The following PAK3 variants were observed in gnomAD, a reference collection of about 807,000 sequenced individuals.
The protein encoded by PAK3 is p21 (RAC1) activated kinase 3.
PAK3 carries 4 observed loss-of-function variants against 41.0 expected under a neutral mutation model. That is an observed-to-expected ratio of 0.10 (90% CI 0.05 to 0.22). The LOEUF (loss-of-function observed/expected upper bound fraction) is 0.22. Among genes scored for constraint, PAK3 ranks in the 10% least tolerant of loss-of-function variants. The pLI is 1.00. For missense variants in PAK3, 205 were observed against 409.9 expected, an observed-to-expected ratio of 0.50 and a Z score of 4.32; for synonymous variants, 146 against 139.6, an observed-to-expected ratio of 1.05 and a Z score of -0.32.
At chrX:111,095,885 T>G (rs1219923887), upstream of PAK3, among the ~76,000 whole-genome samples, 9 of 111,399 alleles carry the variant, frequency 8.1e-5, no homozygotes, top group Non-Finnish European at 1.7e-4. Context: ...GGAAGATACA[T>G]GAACTCTCCC....
At chrX:111,152,002 G>A (rs111901415) in intron 7 of PAK3, among the ~76,000 whole-genome samples, 3 of 112,219 alleles carry the variant, frequency 2.7e-5, no homozygotes, top group African/African-American at 9.7e-5. Flanking sequence ...TGAAACTCAT[G>A]AATTGGTTAT....
intron 1 of PAK3, among the ~76,000 whole-genome samples, chrX:111,086,235 A>G (rs949005473): frequency 2.7e-5 from 3 of 111,591 alleles, no homozygotes; most frequent in African/African-American, 9.8e-5. Context: ...TCTGTAAGAG[A>G]AAGTAAGGAA....
intron 7 of PAK3, among the ~76,000 whole-genome samples, chrX:111,148,564 A>G (rs987346179): frequency 1.8e-5 from 2 of 111,602 alleles, no homozygotes; most frequent in African/African-American, 6.5e-5. Context: ...ACGGTTCCAC[A>G]TGGCTGGTGA....
At position 111,192,500 on chromosome X, in the gene PAK3, A is replaced by G; in HGVS notation, c.880-6A>G. 1 of 968,070 alleles carries G rather than the reference A, an allele frequency of 1.0e-6. No homozygotes were observed. Among genetic ancestry groups the G allele is most frequent in the Non-Finnish European group, 1.5e-6 (1 of 673,308 alleles). The allele number at this position is 968,070 out of a possible 1,213,427, so 79.8% of individuals were successfully genotyped here. On this transcript the variant is annotated splice_region_variant and splice_polypyrimidine_tract_variant and intron_variant, in intron 12 of 17. Coordinates refer to ENST00000372007, the MANE Select transcript of PAK3 (RefSeq NM_002578.5). ...AATTCATTCTTGTATTTTAATTGCC[A>G]TTCAGGTGGCCATAAAGCAGATGAA... is the stretch of plus-strand genomic sequence containing the variant.
chrX:111,068,875 C>A (rs375675323), intron 1 of PAK3, among the ~76,000 whole-genome samples: 1 of 111,857 alleles, frequency 8.9e-6, no homozygotes. Flanking sequence ...ATATATATTG[C>A]GTTGAGCTTG....
At chrX:111,044,069 G>A (rs2092475934) in intron 1 of PAK3, among the ~76,000 whole-genome samples, 1 of 111,206 alleles carries the variant, frequency 9.0e-6, no homozygotes, top group South Asian at 3.8e-4. Context: ...CTGATTTCCG[G>A]TGGCTTCAAC....
intron 6 of PAK3, chrX:111,146,547 C>T: frequency 8.7e-7 from 1 of 1,145,102 alleles, no homozygotes; most frequent in Non-Finnish European, 1.2e-6. Flanking sequence ...CACAGATGTG[C>T]CCAGGGAAGC....
At chrX:111,154,450 A>G (rs1022845220) in intron 8 of PAK3, among the ~76,000 whole-genome samples, 1 of 111,760 alleles carries the variant, frequency 8.9e-6, no homozygotes, top group Non-Finnish European at 1.9e-5. Flanking sequence ...TTAAGAGGGA[A>G]TAAAAATAGT....
chrX:111,189,989 T>A (rs1403564525), intron 11 of PAK3, among the ~76,000 whole-genome samples: 1 of 111,976 alleles, frequency 8.9e-6, no homozygotes, highest in Non-Finnish European at 1.9e-5. Context: ...TTTAAAAGAT[T>A]TTTATTAATT....
At position 111,060,873 on chromosome X, in the gene PAK3, T is replaced by A. The variant is rs999732652; in HGVS notation, c.-27-62204T>A. On this transcript the variant is annotated intron_variant, in intron 1 of 14. Coordinates refer to the PAK3 transcript ENST00000425146. ...TCTTGAGCAGAGTCAAATTTAACAT[T>A]TTTATTGCCAATACTTGATTTTTTT... Among the ~76,000 whole-genome samples, 6 of 111,946 alleles carry A rather than the reference T, an allele frequency of 5.4e-5. No individual in the cohort carries two copies. The East Asian group carries it at 1.7e-3, about 31-fold the overall frequency.
chrX:111,048,379 A>T (rs2092521380), intron 1 of PAK3, among the ~76,000 whole-genome samples: 1 of 111,411 alleles, frequency 9.0e-6, no homozygotes, highest in African/African-American at 3.3e-5. Context: ...CTGCCTGTTG[A>T]TGATGCTCAT....
At chrX:111,217,796 A>G (rs1388583820) in intron 17 of PAK3, 2 of 124,386 alleles carry the variant, frequency 1.6e-5, no homozygotes, top group Non-Finnish European at 3.1e-5. Context: ...ATATTTTTTC[A>G]CCCCTCCCAC....
At chrX:110,969,487 G>C (rs1217540594) in intron 1 of PAK3, among the ~76,000 whole-genome samples, 2 of 89,023 alleles carry the variant, frequency 2.2e-5, no homozygotes, top group African/African-American at 8.5e-5. Flanking sequence ...TTTTAGTAGA[G>C]ATAGGGTTTC....
intron 17 of PAK3, chrX:111,217,414 C>G: frequency 1.7e-6 from 1 of 593,592 alleles, no homozygotes; most frequent in Non-Finnish European, 2.4e-6. Context: ...TGCTATTTTT[C>G]TTTGTGATTT....
At chrX:111,099,034 A>C (rs1467227798) in intron 3 of PAK3, among the ~76,000 whole-genome samples, 3 of 110,903 alleles carry the variant, frequency 2.7e-5, no homozygotes, top group Non-Finnish European at 5.7e-5. Context: ...GCCTGCAGCG[A>C]CGCGCAGGAC....
intron 16 of PAK3, among the ~76,000 whole-genome samples, chrX:111,209,075 C>T (rs1397887425): frequency 1.8e-5 from 2 of 111,038 alleles, no homozygotes; most frequent in East Asian, 5.7e-4. Context: ...CAAGAGGACC[C>T]ATTTCTTCTG....
At chrX:111,060,544 T>C (rs1308990533) in intron 1 of PAK3, among the ~76,000 whole-genome samples, 4 of 111,832 alleles carry the variant, frequency 3.6e-5, no homozygotes, top group Non-Finnish European at 7.5e-5. Context: ...CAGTGAAGAC[T>C]TCTTGTCCTG....
intron 16 of PAK3, among the ~76,000 whole-genome samples, chrX:111,213,606 G>A (rs1209736307): frequency 9.0e-6 from 1 of 111,629 alleles, no homozygotes. Context: ...TACAGAGAGC[G>A]GAAACGAGTC....
intron 1 of PAK3, among the ~76,000 whole-genome samples, chrX:111,013,602 C>A (rs1275660887): frequency 9.0e-6 from 1 of 111,077 alleles, no homozygotes; most frequent in African/African-American, 3.3e-5. Context: ...TTTGTTGGAG[C>A]CCAATCTAAA....
Sources: allele counts gnomAD v4.1 joint callset (sites outside exome capture counted in the v4.1 genomes callset), GRCh38; gene constraint gnomAD v4.1.1; transcripts MANE v1.5; gene names NCBI Gene and HGNC (gene_info 2026-07-23, HGNC 2026-07-21).